The following CHCHD6 variants were observed in gnomAD, a reference collection of about 807,000 sequenced individuals.
CHCHD6 encodes the protein coiled-coil-helix-coiled-coil-helix domain containing 6.
A neutral mutation model predicts 32.3 loss-of-function variants in CHCHD6; 28 were observed. That is an observed-to-expected ratio of 0.87 (90% CI 0.64 to 1.19). The LOEUF is 1.19. Ranked by LOEUF, CHCHD6 falls within the 50% of genes most tolerant of loss-of-function variation. The pLI is 0.00. For missense variants in CHCHD6, 333 were observed against 307.0 expected (o/e 1.08, Z -0.63); for synonymous variants, 122 against 117.5 (o/e 1.04, Z -0.25).
At chr3:126,812,780 A>G (rs1009285896) in intron 4 of CHCHD6, among the ~76,000 whole-genome samples, 1 of 151,864 alleles carries the variant, frequency 6.6e-6, no homozygotes, top group Non-Finnish European at 1.5e-5. Context: ...TTTGTGGAAT[A>G]CCTTTTCTTC....
intron 4 of CHCHD6, among the ~76,000 whole-genome samples, chr3:126,803,504 A>G (rs1438449904): frequency 1.3e-5 from 2 of 152,264 alleles, no homozygotes; most frequent in Non-Finnish European, 2.9e-5. Context: ...CAATTCAACA[A>G]GAAGAGCTAA....
chr3:126,891,213 G>C (rs750329054), intron 5 of CHCHD6, among the ~76,000 whole-genome samples: 10 of 152,196 alleles, frequency 6.6e-5, no homozygotes, highest in Non-Finnish European at 1.2e-4. Flanking sequence ...AAGGCCTGGG[G>C]GTTGTGTTAG....
chr3:126,935,820 G>A (rs1188847600), intron 6 of CHCHD6, among the ~76,000 whole-genome samples: 2 of 152,200 alleles, frequency 1.3e-5, no homozygotes, highest in African/African-American at 2.4e-5. Context: ...ATACAGCATA[G>A]CAAATCTCTA....
At chr3:126,825,096 A>G (rs1363861189) in intron 4 of CHCHD6, among the ~76,000 whole-genome samples, 1 of 151,968 alleles carries the variant, frequency 6.6e-6, no homozygotes, top group Non-Finnish European at 1.5e-5. Flanking sequence ...TTTTTCCACA[A>G]TTTGGTATAT....
chr3:126,915,005 G>A (rs934009300), intron 6 of CHCHD6, among the ~76,000 whole-genome samples: 4 of 152,192 alleles, frequency 2.6e-5, no homozygotes, highest in East Asian at 1.9e-4. Context: ...AGTTATTTTC[G>A]GGGCCCAGTG....
intron 6 of CHCHD6, chr3:126,935,053 G>A (rs2078459292): frequency 1.2e-6 from 1 of 811,460 alleles, no homozygotes; most frequent in South Asian, 5.6e-5. Flanking sequence ...ATCAGAGTTG[G>A]GAATCGTTTT....
chr3:126,945,678 G>A (rs1355504614), intron 6 of CHCHD6, among the ~76,000 whole-genome samples: 18 of 133,504 alleles, frequency 1.3e-4, no homozygotes, highest in Non-Finnish European at 2.7e-4. Flanking sequence ...AGACTTGGGA[G>A]ATTCGGGGGA....
At chr3:126,905,580 C>T (rs989936573) in intron 5 of CHCHD6, among the ~76,000 whole-genome samples, 6 of 152,050 alleles carry the variant, frequency 3.9e-5, no homozygotes, top group Non-Finnish European at 4.4e-5. Flanking sequence ...GGGAACCATG[C>T]AAGTTCTCAG....
At chr3:126,900,959 G>C (rs1015619004) in intron 5 of CHCHD6, among the ~76,000 whole-genome samples, 1 of 152,018 alleles carries the variant, frequency 6.6e-6, no homozygotes, top group Non-Finnish European at 1.5e-5. Flanking sequence ...CATCACCAAG[G>C]GGATGGCACT....
intron 4 of CHCHD6, among the ~76,000 whole-genome samples, chr3:126,742,183 T>G (rs547835454): frequency 6.6e-6 from 1 of 152,310 alleles, no homozygotes; most frequent in African/African-American, 2.4e-5. Flanking sequence ...TGGCACTCAC[T>G]GCATTCAGCA....
At chr3:126,938,533 A>G (rs988353887) in intron 6 of CHCHD6, among the ~76,000 whole-genome samples, 4 of 152,240 alleles carry the variant, frequency 2.6e-5, no homozygotes, top group African/African-American at 9.6e-5. Context: ...AACATCCAGC[A>G]TCCAGTTTAG....
rs116338513 is a variant in CHCHD6 at position 126,759,961 on chromosome 3, G to A, written c.411+26739G>A. Among the ~76,000 whole-genome samples, 1,065 of 152,278 alleles carry A rather than the reference G, an allele frequency of 7.0e-3. 13 individuals carry two copies. Among genetic ancestry groups the A allele is most frequent in the African/African-American group, 0.025 (1,020 of 41,546 alleles). ...CTTTTACTCATGGTGGGAAGGCAAA[G>A]GGGGAATAGGCGTCTCACATGGTGA... On this transcript the variant is annotated intron_variant, in intron 4 of 7. Coordinates refer to ENST00000290913, the MANE Select transcript of CHCHD6 (RefSeq NM_032343.3).
At chr3:126,717,775 G>A (rs1363393028) in intron 1 of CHCHD6, among the ~76,000 whole-genome samples, 2 of 144,716 alleles carry the variant, frequency 1.4e-5, no homozygotes, top group African/African-American at 5.2e-5. Context: ...AGGGGTGTGT[G>A]TGTGTGTGTG....
intron 4 of CHCHD6, among the ~76,000 whole-genome samples, chr3:126,761,684 C>T (rs148900394): frequency 0.017 from 2,549 of 152,294 alleles, 34 homozygotes; most frequent in Middle Eastern, 0.048. Flanking sequence ...GCCTTGGCCT[C>T]CTAAAGGGCT....
intron 5 of CHCHD6, among the ~76,000 whole-genome samples, chr3:126,898,665 A>C (rs1266657356): frequency 6.6e-6 from 1 of 152,060 alleles, no homozygotes; most frequent in Non-Finnish European, 1.5e-5. Context: ...TAGCCTACTG[A>C]GTAGCTGGGA....
chr3:126,958,405 A>G (rs1003829323), intron 7 of CHCHD6, among the ~76,000 whole-genome samples: 8 of 152,190 alleles, frequency 5.3e-5, no homozygotes, highest in African/African-American at 1.9e-4. Flanking sequence ...TTCCCACGTA[A>G]AAGCCTCTTT....
At chr3:126,821,865 A>T (rs960579599) in intron 4 of CHCHD6, among the ~76,000 whole-genome samples, 1 of 152,198 alleles carries the variant, frequency 6.6e-6, no homozygotes, top group Non-Finnish European at 1.5e-5. Flanking sequence ...GACCATTTAT[A>T]TATCTTCTTT....
chr3:126,916,492 G>C (rs935485176), intron 6 of CHCHD6, among the ~76,000 whole-genome samples: 11 of 152,096 alleles, frequency 7.2e-5, no homozygotes, highest in African/African-American at 1.9e-4. Context: ...CTTCCAAAAG[G>C]CAGATAGAGA....
At chr3:126,877,059 A>G (rs1296687948) in intron 5 of CHCHD6, among the ~76,000 whole-genome samples, 5 of 152,152 alleles carry the variant, frequency 3.3e-5, no homozygotes, top group Admixed American at 6.5e-5. Context: ...TGAGGCCAAA[A>G]TGTGCTTCTG....
Sources: gnomAD v4.1 joint callset for allele counts (sites outside exome capture counted in the v4.1 genomes callset) on GRCh38, gnomAD v4.1.1 for gene constraint, MANE v1.5 for transcripts, NCBI Gene and HGNC (gene_info 2026-07-23, HGNC 2026-07-21) for gene names.